Variants in RAB9B observed in about 807,000 individuals in gnomAD.
RAB9B encodes the protein RAB9B, member RAS oncogene family, also known as ras-related protein Rab-9B.
A neutral mutation model predicts 8.9 loss-of-function variants in RAB9B; 1 was observed. The ratio of observed to expected loss-of-function variants is 0.11; its 90% CI spans 0.04 to 0.53. The LOEUF (loss-of-function observed/expected upper bound fraction) is 0.53, where lower values mean the gene tolerates loss of function less well. Ranked by LOEUF, RAB9B falls within the 20% of genes least tolerant of loss-of-function variation. The probability of loss-of-function intolerance (pLI) is 0.93; values close to 1 mark genes in which losing one functional copy is unlikely to be tolerated. For synonymous variants in RAB9B, 63 were observed against 57.0 expected (o/e 1.10, Z -0.47); for missense variants, 82 against 152.9 (o/e 0.54, Z 2.45).
the RAB9B span, chrX:103,781,057 C>T: frequency 4.7e-5 from 9 of 190,380 alleles, no homozygotes; most frequent in Non-Finnish European, 7.1e-5. Flanking sequence ...CCTTTGTCAG[C>T]TGGATTCAAG....
At chrX:103,777,961 C>T in the RAB9B span, among the ~76,000 whole-genome samples, 2 of 112,381 alleles carry the variant, frequency 1.8e-5, no homozygotes, top group Non-Finnish European at 3.8e-5. Flanking sequence ...AGACAACATC[C>T]ACAGAGATCA....
chrX:103,780,433 C>CTGTGTGTG, the RAB9B span, among the ~76,000 whole-genome samples: 1 of 26,607 alleles, frequency 3.8e-5, no homozygotes, highest in Non-Finnish European at 1.0e-4. Flanking sequence ...TTCATTCTGT[C>CTGTGTGTG]TCTCTCTGTG....
chrX:103,777,431 A>G, the RAB9B span, among the ~76,000 whole-genome samples: 6 of 111,955 alleles, frequency 5.4e-5, no homozygotes, highest in African/African-American at 1.9e-4. Context: ...ACTTTGAACC[A>G]TGTTTGGCAT....
intron 1 of RAB9B, among the ~76,000 whole-genome samples, chrX:103,827,395 T>C (rs1324514055): frequency 8.9e-6 from 1 of 111,840 alleles, no homozygotes; most frequent in Non-Finnish European, 1.9e-5. Context: ...TCACAATAGA[T>C]GACATTCAGG....
chrX:103,818,021 A>G (rs188478613), downstream of RAB9B, among the ~76,000 whole-genome samples: 802 of 111,544 alleles, frequency 7.2e-3, 25 homozygotes, highest in Admixed American at 0.071. Flanking sequence ...AATACCATAA[A>G]CAAAATTAAA....
chrX:103,807,472 A>G, the RAB9B span, among the ~76,000 whole-genome samples: 22 of 111,317 alleles, frequency 2.0e-4, no homozygotes, highest in Non-Finnish European at 7.5e-5. Flanking sequence ...ACCTCTCTCT[A>G]CTGCTGTCAC....
chrX:103,820,969 C>G (rs898594563), downstream of RAB9B, among the ~76,000 whole-genome samples: 2 of 57,842 alleles, frequency 3.5e-5, no homozygotes, highest in Admixed American at 2.0e-4. Context: ...CACACACACA[C>G]ACACACACAC....
rs1347078823 is a variant in RAB9B at position 103,823,745 on chromosome X, GT to G, written c.*1433del. The G allele has an allele frequency of 8.9e-6, 1 of 112,089 alleles. No individual in the cohort carries two copies. Among genetic ancestry groups the G allele is most frequent in the Non-Finnish European group, 1.9e-5 (1 of 53,180 alleles). The allele number at this position is 112,089 out of a possible 1,213,427, so 9.2% of individuals were successfully genotyped here. A position where few individuals can be genotyped will look rare whatever the true frequency, so the allele number is the denominator to read the frequency against. On this transcript the variant is annotated 3_prime_UTR_variant, in exon 3 of 3. Coordinates refer to ENST00000243298, the MANE Select transcript of RAB9B (RefSeq NM_016370.4). The stretch of plus-strand genomic sequence containing the variant: ...TATTTTAACATGGGAGCTTTAAGAT[GT>G]TTTTTATCAGTCACATAAAGATTAC...
chrX:103,812,529 G>T, the RAB9B span, among the ~76,000 whole-genome samples: 1 of 111,797 alleles, frequency 8.9e-6, no homozygotes, highest in Non-Finnish European at 1.9e-5. Context: ...TTTTAAATCA[G>T]ACTTTTAAAG....
chrX:103,809,977 C>T, the RAB9B span, among the ~76,000 whole-genome samples: 2 of 111,372 alleles, frequency 1.8e-5, no homozygotes, highest in African/African-American at 6.5e-5. Context: ...TGGCCCTGCA[C>T]TAGGTGCTGT....
chrX:103,821,196 C>A (rs1179986766), downstream of RAB9B, among the ~76,000 whole-genome samples: 1 of 110,590 alleles, frequency 9.0e-6, no homozygotes, highest in Non-Finnish European at 1.9e-5. Context: ...TACAAATGAG[C>A]AAATCCTTAT....
At chrX:103,782,197 G>A in the RAB9B span, among the ~76,000 whole-genome samples, 2 of 112,111 alleles carry the variant, frequency 1.8e-5, no homozygotes, top group South Asian at 3.7e-4. Context: ...TTTCATCTAG[G>A]TTGTGAAGAG....
the RAB9B span, among the ~76,000 whole-genome samples, chrX:103,784,478 A>G: frequency 9.0e-6 from 1 of 111,151 alleles, no homozygotes; most frequent in Non-Finnish European, 1.9e-5. Context: ...GTAATATCAA[A>G]CCTCCTATTT....
At chrX:103,808,021 A>G in the RAB9B span, among the ~76,000 whole-genome samples, 35 of 111,814 alleles carry the variant, frequency 3.1e-4, no homozygotes, top group Non-Finnish European at 6.2e-4. Flanking sequence ...CCATGTCAGG[A>G]GGAGAGCCAG....
At chrX:103,787,782 A>C in the RAB9B span, 1 of 1,198,161 alleles carries the variant, frequency 8.3e-7, no homozygotes. Context: ...TAACCACCCC[A>C]TGTCAATCAT....
the RAB9B span, among the ~76,000 whole-genome samples, chrX:103,816,916 A>C: frequency 8.9e-6 from 1 of 112,556 alleles, no homozygotes; most frequent in Non-Finnish European, 1.9e-5. Flanking sequence ...CAATCATTAC[A>C]AAGTTAGGAA....
At position 103,824,733 on chromosome X, in the gene RAB9B, G is replaced by T. The variant is rs1398740434; in HGVS notation, c.*446C>A. Reference sequence around the variant, plus strand: ...TATTTTTATTGTAATACAGCTCAAAGTCTGATTTTTTTCCCCTTTGGCAGA... The same window carrying T: ...TATTTTTATTGTAATACAGCTCAAATTCTGATTTTTTTCCCCTTTGGCAGA... On this transcript the variant is annotated 3_prime_UTR_variant, in exon 3 of 3. Transcript: ENST00000243298. 2 of 112,220 alleles carry T rather than the reference G, an allele frequency of 1.8e-5. No individual in the cohort carries two copies. Among genetic ancestry groups the T allele is most frequent in the Non-Finnish European group, 3.7e-5 (2 of 54,144 alleles). 9.2% of individuals were successfully genotyped at this position (112,220 alleles called of 1,213,427 possible).
chrX:103,777,772 T>C, the RAB9B span, among the ~76,000 whole-genome samples: 16 of 112,554 alleles, frequency 1.4e-4, no homozygotes, highest in African/African-American at 4.8e-4. Flanking sequence ...GAAGTTCTGG[T>C]GGTAGTTTCT....
At chrX:103,785,595 C>T in the RAB9B span, 1 of 1,207,596 alleles carries the variant, frequency 8.3e-7, no homozygotes, top group Non-Finnish European at 1.1e-6. Context: ...TGTTAGAGTG[C>T]TGTGCAAGAT....
Sources: allele counts gnomAD v4.1 joint callset (sites outside exome capture counted in the v4.1 genomes callset), GRCh38; gene constraint gnomAD v4.1.1; transcripts MANE v1.5; gene names NCBI Gene and HGNC (gene_info 2026-07-23, HGNC 2026-07-21).